The following DGKB variants were observed in gnomAD, a reference collection of about 807,000 sequenced individuals.
DGKB encodes the protein 90 kDa diacylglycerol kinase.
Under a neutral mutation model 114.3 loss-of-function variants are expected in DGKB, and 67 were observed. The observed-to-expected ratio is 0.59, with a 90% CI of 0.48 to 0.72. The LOEUF (loss-of-function observed/expected upper bound fraction) is 0.72, where lower values mean the gene tolerates loss of function less well. DGKB is among the 30% of genes least tolerant of loss of function. The pLI is 0.00. For synonymous variants in DGKB, 398 were observed against 323.1 expected, an observed-to-expected ratio of 1.23 and a Z score of -2.49; for missense variants, 907 against 975.2, an observed-to-expected ratio of 0.93 and a Z score of 0.93.
chr7:14,912,775 T>G (rs1784059479), intron 1 of DGKB, among the ~76,000 whole-genome samples: 1 of 152,082 alleles, frequency 6.6e-6, no homozygotes, highest in Non-Finnish European at 1.5e-5. Flanking sequence ...CAGGCTCCAT[T>G]TCTCTTGTAG....
intron 1 of DGKB, among the ~76,000 whole-genome samples, chr7:14,887,022 A>C (rs1587198799): frequency 6.6e-6 from 1 of 151,862 alleles, no homozygotes; most frequent in Non-Finnish European, 1.5e-5. Flanking sequence ...GCAATTTATA[A>C]TTATTTCTTC....
chr7:14,487,414 G>C (rs545838821), intron 20 of DGKB, among the ~76,000 whole-genome samples: 2 of 152,138 alleles, frequency 1.3e-5, no homozygotes, highest in Admixed American at 6.5e-5. Flanking sequence ...GGACCAATAA[G>C]CATAAAAGGA....
intron 1 of DGKB, among the ~76,000 whole-genome samples, chr7:14,925,324 T>G (rs567914446): frequency 1.1e-4 from 16 of 152,334 alleles, no homozygotes; most frequent in Admixed American, 7.8e-4. Flanking sequence ...GCAATTGTCA[T>G]CAGTATATCT....
chr7:14,812,816 T>C (rs187690313), intron 2 of DGKB, among the ~76,000 whole-genome samples: 187 of 152,314 alleles, frequency 1.2e-3, no homozygotes, highest in African/African-American at 4.4e-3. Flanking sequence ...AAATACCATG[T>C]GTGCTTGATT....
chr7:14,548,710 A>G (rs1019138099), intron 20 of DGKB, among the ~76,000 whole-genome samples: 1 of 152,140 alleles, frequency 6.6e-6, no homozygotes, highest in African/African-American at 2.4e-5. Context: ...CACTGGAGCC[A>G]TGACTAGCTA....
chr7:14,940,084 A>C (rs2128254228), intron 1 of DGKB, among the ~76,000 whole-genome samples: 1 of 152,276 alleles, frequency 6.6e-6, no homozygotes, highest in African/African-American at 2.4e-5. Flanking sequence ...CACAGTCTCC[A>C]CACTAAGCCT....
At chr7:14,224,936 T>G (rs1790549921) in intron 23 of DGKB, among the ~76,000 whole-genome samples, 1 of 152,042 alleles carries the variant, frequency 6.6e-6, no homozygotes, top group Non-Finnish European at 1.5e-5. Context: ...CAGGATTATT[T>G]GAAGAGATAG....
rs1228797252 is a variant in DGKB, at chr7:14,478,231, G to C, written c.1771-6C>G. On this transcript the variant is annotated splice_polypyrimidine_tract_variant and splice_region_variant and intron_variant, in intron 20 of 25. Coordinates refer to ENST00000402815, the MANE Select transcript of DGKB (RefSeq NM_001350709.2). ...CTGTGTGCAATGGAGGCATCCTAAG[G>C]GGAGAAAATAGAAAACAAAAACAGG... The C allele has an allele frequency of 6.4e-7, 1 of 1,567,596 alleles. No individual in the cohort carries two copies. The highest frequency in any genetic ancestry group is 1.4e-5 in the African/African-American group (1 of 73,802).
intron 23 of DGKB, among the ~76,000 whole-genome samples, chr7:14,277,715 A>C (rs1386061311): frequency 3.3e-5 from 5 of 152,218 alleles, no homozygotes; most frequent in African/African-American, 1.2e-4. Context: ...ATAGTGCTAC[A>C]ATGAACATGA....
intron 14 of DGKB, 27 bp from the exon 15 acceptor site, chr7:14,621,521 A>T: frequency 7.4e-7 from 1 of 1,353,492 alleles, no homozygotes; most frequent in Non-Finnish European, 1.0e-6. Flanking sequence ...TTTGATAAAA[A>T]TAAAAATTAG....
rs148777563 is a variant in DGKB, at chr7:14,566,992, G to C, written c.1770+7220C>G. Among the ~76,000 whole-genome samples the C allele has an allele frequency of 9.3e-3, 1,354 of 145,538 alleles. 19 individuals are homozygous for C. Among genetic ancestry groups the C allele is most frequent in the African/African-American group, 0.031 (1,232 of 39,172 alleles). On this transcript the variant is annotated intron_variant, in intron 20 of 25. Transcript: ENST00000402815. Reference sequence around the variant, plus strand: ...CATAATTTTCAAAAATGTTGTATTTGTGCATTGGTTTTTTGCTTTTTAAAA... The same window carrying C: ...CATAATTTTCAAAAATGTTGTATTTCTGCATTGGTTTTTTGCTTTTTAAAA...
intron 21 of DGKB, among the ~76,000 whole-genome samples, chr7:14,390,036 T>C (rs1279083102): frequency 1.3e-5 from 2 of 152,140 alleles, no homozygotes; most frequent in African/African-American, 2.4e-5. Context: ...GGTTGGCAAA[T>C]GGCCTAAAAA....
chr7:14,555,642 C>T (rs1472892471), intron 20 of DGKB, among the ~76,000 whole-genome samples: 1 of 152,112 alleles, frequency 6.6e-6, no homozygotes, highest in Non-Finnish European at 1.5e-5. Context: ...GCTGCATTCT[C>T]AGACAGTTAA....
chr7:14,775,445 G>A (rs1838011437), intron 2 of DGKB, among the ~76,000 whole-genome samples: 1 of 147,982 alleles, frequency 6.8e-6, no homozygotes, highest in Admixed American at 6.7e-5. Context: ...AAAAGTAATT[G>A]CGGTTTTTGC....
At chr7:14,341,366 T>C (rs1051084521) in intron 22 of DGKB, among the ~76,000 whole-genome samples, 1 of 151,780 alleles carries the variant, frequency 6.6e-6, no homozygotes, top group African/African-American at 2.4e-5. Flanking sequence ...ACCAGTTGAG[T>C]GCATGAAAGT....
chr7:14,237,198 G>A (rs1045065825), intron 23 of DGKB, among the ~76,000 whole-genome samples: 5 of 151,918 alleles, frequency 3.3e-5, no homozygotes. Flanking sequence ...ACCCACAAAT[G>A]TAAGTATTTA....
chr7:14,551,727 T>C (rs12699645), intron 20 of DGKB, among the ~76,000 whole-genome samples: 62,709 of 151,930 alleles, frequency 0.41, 13,912 homozygotes, highest in South Asian at 0.51. Flanking sequence ...AGATAATTCA[T>C]AGGTCTTAAT....
At chr7:14,273,756 C>T (rs1798598559) in intron 23 of DGKB, among the ~76,000 whole-genome samples, 1 of 152,136 alleles carries the variant, frequency 6.6e-6, no homozygotes, top group Non-Finnish European at 1.5e-5. Context: ...GACATGATAC[C>T]ACTCAGTTGT....
At chr7:14,857,717 T>C (rs1850392326) in intron 1 of DGKB, among the ~76,000 whole-genome samples, 1 of 152,120 alleles carries the variant, frequency 6.6e-6, no homozygotes, top group Admixed American at 6.6e-5. Context: ...TGCTTTCCTT[T>C]TTCTTTTTTA....
Sources: gnomAD v4.1 joint callset for allele counts (sites outside exome capture counted in the v4.1 genomes callset) on GRCh38, gnomAD v4.1.1 for gene constraint, MANE v1.5 for transcripts, NCBI Gene and HGNC (gene_info 2026-07-23, HGNC 2026-07-21) for gene names.